TLX1: variants seen among roughly 807,000 people sequenced by gnomAD.
The protein encoded by TLX1 is T cell leukemia homeobox 1.
In TLX1, 6 loss-of-function variants were observed where a neutral mutation model predicts 26.5. The ratio of observed to expected loss-of-function variants is 0.23; its 90% CI spans 0.12 to 0.45. TLX1 has a LOEUF of 0.45. Among genes scored for constraint, TLX1 ranks in the 20% least tolerant of loss-of-function variants. The probability of loss-of-function intolerance (pLI) is 0.99; values close to 1 mark genes in which losing one functional copy is unlikely to be tolerated. For missense variants in TLX1, 418 were observed against 482.6 expected, an observed-to-expected ratio of 0.87 and a Z score of 1.25; for synonymous variants, 217 against 219.7, an observed-to-expected ratio of 0.99 and a Z score of 0.11.
intron 2 of TLX1, among the ~76,000 whole-genome samples, chr10:101,134,758 G>C (rs1940252852): frequency 6.6e-6 from 1 of 152,220 alleles, no homozygotes; most frequent in African/African-American, 2.4e-5. Context: ...ATGGAATCCT[G>C]CTCTGTCCTG....
chr10:101,133,343 T>TG (rs1940220367), intron 1 of TLX1, among the ~76,000 whole-genome samples: 2 of 152,218 alleles, frequency 1.3e-5, no homozygotes, highest in Non-Finnish European at 2.9e-5. Flanking sequence ...AGAAGTGGTG[T>TG]GGAGGCTGGT....
rs780892676 is a variant in TLX1, at chr10:101,134,173, A to G, written c.569-2A>G. On this transcript the variant is annotated splice_acceptor_variant, in intron 1 of 2. Transcript: ENST00000370196. LOFTEE classifies it high-confidence loss of function. ...CACCCTTCACTGTAACACGCCGTAT[A>G]GGTCACCCCTATCAGAACCGGACGC... 3.8e-6 allele frequency: 6 copies of G among 1,599,372 alleles called. No individual in the cohort carries two copies. Among genetic ancestry groups the G allele is most frequent in the Admixed American group, 3.5e-5 (2 of 57,812 alleles).
In TLX1 at chr10:101,131,724, C is replaced by T; in HGVS notation, c.183C>T (p.Gly61=). The T allele has an allele frequency of 6.9e-7, 1 of 1,455,332 alleles. No homozygotes were observed. Among genetic ancestry groups the T allele is most frequent in the African/African-American group, 1.5e-5 (1 of 67,260 alleles). 90.2% of individuals were successfully genotyped at this position (1,455,332 alleles called of 1,614,324 possible). A position where few individuals can be genotyped will look rare whatever the true frequency, so the allele number is the denominator to read the frequency against. The stretch of plus-strand genomic sequence containing the variant: ...GCGCCTACACTTACGGCGGCGGGGG[C>T]TCCGCGGCCGCGACGGGGGCTGGAG... ...VGGAYTYGGG[G]SAAATGAGGA... The change falls in exon 1 of 3, where the codon GGC becomes GGT. Residue 61 remains glycine (G), a synonymous_variant. Coordinates refer to ENST00000370196, the MANE Select transcript of TLX1 (RefSeq NM_005521.4).
rs1940301306 is a variant in TLX1 at position 101,136,702 on chromosome 10, C to T, written c.782C>T (p.Ala261Val). Reference sequence around the variant, plus strand: ...TGTTCCCGGTGCAGACGGCAGACTGCGGAGGAACGGGAGGCCGAGAGGCAG... The same window carrying T: ...TGTTCCCGGTGCAGACGGCAGACTGTGGAGGAACGGGAGGCCGAGAGGCAG... ...NRRTKWRRQT[A>V]EEREAERQQA... Residue 261 changes from alanine (A) to valine (V), a missense_variant, in exon 3 of 3, where the codon GCG (alanine) becomes GTG (valine). Physicochemically the swap from Ala to Val is moderately conservative, Grantham distance 64. This residue lies in a region of TLX1 where 78 missense variants were observed against 92.2 expected (regional missense o/e 0.85). Coordinates refer to ENST00000370196, the MANE Select transcript of TLX1 (RefSeq NM_005521.4). 6.2e-7 allele frequency: 1 copy of T among 1,612,450 alleles called. No homozygotes were observed. The highest frequency in any genetic ancestry group is 1.1e-5 in the South Asian group (1 of 91,084).
In TLX1 at chr10:101,131,457, T is replaced by C; in HGVS notation, c.-85T>C. 8.7e-7 allele frequency: 1 copy of C among 1,146,878 alleles called. No homozygotes were observed. Among genetic ancestry groups the C allele is most frequent in the Non-Finnish European group, 1.1e-6 (1 of 878,586 alleles). The allele number at this position is 1,146,878 out of a possible 1,614,324, so 71.0% of individuals were successfully genotyped here. On this transcript the variant is annotated 5_prime_UTR_variant, in exon 1 of 3. Transcript: ENST00000370196. ...GTCTCCGCGCAGCCAGGAGCCGCTG[T>C]TGCCTCCCAGCCCCTGCTAGCTGCC... is the stretch of plus-strand genomic sequence containing the variant.
At position 101,132,015 on chromosome 10, in the gene TLX1, C is replaced by A; in HGVS notation, c.474C>A (p.Pro158=). The A allele has an allele frequency of 6.6e-7, 1 of 1,524,962 alleles. No individual in the cohort carries two copies. The highest frequency in any genetic ancestry group is 2.7e-5 in the East Asian group (1 of 37,534). The allele number at this position is 1,524,962 out of a possible 1,614,324, so 94.5% of individuals were successfully genotyped here. A position where few individuals can be genotyped will look rare whatever the true frequency, so the allele number is the denominator to read the frequency against. The change falls in exon 1 of 3, where the codon CCC becomes CCA. Residue 158 remains proline, a synonymous_variant. Coordinates refer to ENST00000370196, the MANE Select transcript of TLX1 (RefSeq NM_005521.4). This position sits in a 1 kb window ranked among gnomAD's most constrained non-coding sequence, Gnocchi z 4.1. ...QPLATGLPTV[P]SVPAMPGVNN... Reference sequence around the variant, plus strand: ...TGGCCACCGGCTTGCCCACCGTGCCCTCTGTGCCTGCCATGCCGGGCGTCA... The same window carrying A: ...TGGCCACCGGCTTGCCCACCGTGCCATCTGTGCCTGCCATGCCGGGCGTCA...
At position 101,136,915 on chromosome 10, in the gene TLX1, C is replaced by T; in HGVS notation, c.*2C>T. ...TCGGTGGCGTCGGCCTGCGAGTGAG[C>T]CTGCCCATTCTGCCCTGTGGGACCC... On this transcript the variant is annotated 3_prime_UTR_variant, in exon 3 of 3. Coordinates refer to ENST00000370196, the MANE Select transcript of TLX1 (RefSeq NM_005521.4). 1 of 1,613,294 alleles carries T rather than the reference C, an allele frequency of 6.2e-7. No individual in the cohort carries two copies. The highest frequency in any genetic ancestry group is 2.2e-5 in the East Asian group (1 of 44,864).
rs893344293 is a variant in TLX1, at chr10:101,137,383, T to G, written c.*470T>G. On this transcript the variant is annotated 3_prime_UTR_variant, in exon 3 of 3. Transcript: ENST00000370196. ...CCTGGTGTCACCCCAGAGCCACACA[T>G]GGGCATCTATGGGAGAGTGTCAACC... The G allele has an allele frequency of 3.7e-6, 1 of 267,292 alleles. No homozygotes were observed. The highest frequency in any genetic ancestry group is 7.2e-6 in the Non-Finnish European group (1 of 138,392). 16.6% of individuals were successfully genotyped at this position (267,292 alleles called of 1,614,324 possible). A position where few individuals can be genotyped will look rare whatever the true frequency, so the allele number is the denominator to read the frequency against.
Position 101,131,463 on chromosome 10 carries a change from C to T in TLX1, c.-79C>T. ...GCGCAGCCAGGAGCCGCTGTTGCCT[C>T]CCAGCCCCTGCTAGCTGCCCCCCGA... On this transcript the variant is annotated 5_prime_UTR_variant, in exon 1 of 3. Transcript: ENST00000370196. The T allele has an allele frequency of 1.6e-6, 2 of 1,237,830 alleles. No homozygotes were observed. Among genetic ancestry groups the T allele is most frequent in the Non-Finnish European group, 2.1e-6 (2 of 954,904 alleles). The allele number at this position is 1,237,830 out of a possible 1,614,324, so 76.7% of individuals were successfully genotyped here.
intron 1 of TLX1, among the ~76,000 whole-genome samples, chr10:101,133,464 T>C (rs1417072419): frequency 6.6e-6 from 1 of 152,128 alleles, no homozygotes; most frequent in Non-Finnish European, 1.5e-5. Flanking sequence ...CAGGGCCTGG[T>C]GCCCATCCCA....
Position 101,131,897 on chromosome 10 carries a change from G to T in TLX1, c.356G>T (p.Ser119Ile). The change falls in exon 1 of 3, where the codon AGC becomes ATC. Residue 119 changes from serine to isoleucine, a missense_variant. This residue lies in a region of TLX1 where 322 missense variants were observed against 344.6 expected (regional missense o/e 0.93). Transcript: ENST00000370196. ...GGPGPGGGGGSSGGAGALSAA... is the reference protein window; with the variant it reads ...GGPGPGGGGGISGGAGALSAA... ...CCCGGTCCTGGCGGCGGCGGCGGCA[G>T]CAGCGGCGGTGCCGGGGCACTCAGC... is the stretch of plus-strand genomic sequence containing the variant. 1 of 1,394,840 alleles carries T rather than the reference G, an allele frequency of 7.2e-7. No individual in the cohort carries two copies. The highest frequency in any genetic ancestry group is 9.2e-7 in the Non-Finnish European group (1 of 1,082,928). 86.4% of individuals were successfully genotyped at this position (1,394,840 alleles called of 1,614,324 possible). A position where few individuals can be genotyped will look rare whatever the true frequency, so the allele number is the denominator to read the frequency against.
chr10:101,131,788 G>T lies in TLX1; in HGVS notation c.247G>T (p.Gly83Ter). 1 of 1,388,076 alleles carries T rather than the reference G, an allele frequency of 7.2e-7. No homozygotes were observed. The highest frequency in any genetic ancestry group is 9.3e-7 in the Non-Finnish European group (1 of 1,077,296). The allele number at this position is 1,388,076 out of a possible 1,614,324, so 86.0% of individuals were successfully genotyped here. A position where few individuals can be genotyped will look rare whatever the true frequency, so the allele number is the denominator to read the frequency against. ...AYGTGGPGGP[G>*]GPAGGGGACS... ...TGGTACTGGAGGTCCCGGCGGCCCC[G>T]GAGGCCCGGCAGGCGGCGGCGGCGC... Residue 83 changes from glycine (G) to a stop codon, truncating the protein, a stop_gained, in exon 1 of 3, where the codon GGA (glycine) becomes TGA (stop). Coordinates refer to ENST00000370196, the MANE Select transcript of TLX1 (RefSeq NM_005521.4). LOFTEE classifies it high-confidence loss of function.
chr10:101,133,507 C>A (rs1940223665), intron 1 of TLX1, among the ~76,000 whole-genome samples: 1 of 152,200 alleles, frequency 6.6e-6, no homozygotes, highest in African/African-American at 2.4e-5. Context: ...TCTTGAAGGG[C>A]CCTGCTGGAA....
At chr10:101,133,582 G>A (rs1171339815) in intron 1 of TLX1, among the ~76,000 whole-genome samples, 1 of 152,220 alleles carries the variant, frequency 6.6e-6, no homozygotes, top group Non-Finnish European at 1.5e-5. Context: ...GGCCTACCGC[G>A]GGGCCCTAAT....
Position 101,131,389 on chromosome 10 carries a change from C to T in TLX1, c.-153C>T, listed in dbSNP as rs1019968633. 4.7e-5 allele frequency: 22 copies of T among 464,938 alleles called. No homozygotes were observed. The highest frequency in any genetic ancestry group is 5.4e-5 in the Non-Finnish European group (15 of 278,960). The allele number at this position is 464,938 out of a possible 1,614,324, so 28.8% of individuals were successfully genotyped here. A position where few individuals can be genotyped will look rare whatever the true frequency, so the allele number is the denominator to read the frequency against. On this transcript the variant is annotated 5_prime_UTR_variant, in exon 1 of 3. Coordinates refer to ENST00000370196, the MANE Select transcript of TLX1 (RefSeq NM_005521.4). ...AATACGGCGCCCCCTCTCTCCCTCC[C>T]CTCCCCCTTCTACTTTAGCCTTTCT...
rs1201490829 is a variant in TLX1, at chr10:101,131,664, G to A, written c.123G>A (p.Gln41=). The part of the protein sequence containing the change: ...GGCMGPASRL[Q]DGEYGLGCLV... ...GCATGGGACCCGCCTCGCGCCTCCA[G>A]GACGGAGAATACGGCCTTGGCTGCT... Residue 41 remains glutamine (Q), a synonymous_variant, in exon 1 of 3, where the codon CAG becomes CAA. Transcript: ENST00000370196. The A allele has an allele frequency of 2.6e-6, 4 of 1,561,384 alleles. No homozygotes were observed. Among genetic ancestry groups the A allele is most frequent in the Admixed American group, 1.9e-5 (1 of 52,610 alleles).
At position 101,131,698 on chromosome 10, in the gene TLX1, G is replaced by C. The variant is rs201643256; in HGVS notation, c.157G>C (p.Gly53Arg). ...GEYGLGCLVGGAYTYGGGGSA... is the reference protein window; with the variant it reads ...GEYGLGCLVGRAYTYGGGGSA... ...ATACGGCCTTGGCTGCTTGGTCGGAGGCGCCTACACTTACGGCGGCGGGGG... is the reference window on the plus strand; with the variant it reads ...ATACGGCCTTGGCTGCTTGGTCGGACGCGCCTACACTTACGGCGGCGGGGG... The change falls in exon 1 of 3, where the codon GGC (glycine) becomes CGC (arginine). Residue 53 changes from glycine to arginine, a missense_variant. Gly to Arg is a moderately radical substitution (Grantham distance 125). Transcript: ENST00000370196. 56 of 1,525,568 alleles carry C rather than the reference G, an allele frequency of 3.7e-5. No individual in the cohort carries two copies. In the East Asian group the frequency reaches 1.5e-3, roughly 40 times the overall value. 94.5% of individuals were successfully genotyped at this position (1,525,568 alleles called of 1,614,324 possible).
Position 101,131,874 on chromosome 10 carries a change from C to G in TLX1, c.333C>G (p.Pro111=), listed in dbSNP as rs930030468. 6 of 1,402,634 alleles carry G rather than the reference C, an allele frequency of 4.3e-6. No homozygotes were observed. Among genetic ancestry groups the G allele is most frequent in the East Asian group, 3.0e-5 (1 of 32,828 alleles). 86.9% of individuals were successfully genotyped at this position (1,402,634 alleles called of 1,614,324 possible). ...TGAACATGGCCTTGGCAGGCGGCCC[C>G]GGTCCTGGCGGCGGCGGCGGCAGCA... The part of the protein sequence containing the change: ...YNVNMALAGG[P]GPGGGGGSSG... The change falls in exon 1 of 3, where the codon CCC becomes CCG. Residue 111 remains proline (P), a synonymous_variant. Coordinates refer to ENST00000370196, the MANE Select transcript of TLX1 (RefSeq NM_005521.4).
Position 101,135,955 on chromosome 10 carries a change from G to A in TLX1, c.771-736G>A, listed in dbSNP as rs1940286407. Among the ~76,000 whole-genome samples, 4 of 152,228 alleles carry A rather than the reference G, an allele frequency of 2.6e-5. No homozygotes were observed. The South Asian group carries it at 8.3e-4, about 31-fold the overall frequency. On this transcript the variant is annotated intron_variant, in intron 2 of 2. Transcript: ENST00000370196. ...GGCCCAGAGCAGGTCAGCAGCCGCTGCTGGAAGAGGCCCTTGCAGGCTTCG... is the reference window on the plus strand; with the variant it reads ...GGCCCAGAGCAGGTCAGCAGCCGCTACTGGAAGAGGCCCTTGCAGGCTTCG...
Sources: gnomAD v4.1 joint callset for allele counts (sites outside exome capture counted in the v4.1 genomes callset) on GRCh38, gnomAD v4.1.1 for gene constraint, gnomAD v4.1.1 regional missense constraint, Gnocchi (gnomAD v3.1) non-coding constraint, MANE v1.5 for transcripts, NCBI Gene and HGNC (gene_info 2026-07-23, HGNC 2026-07-21) for gene names.